The following B3GALT1 variants were observed in gnomAD, a reference collection of about 807,000 sequenced individuals.
B3GALT1 encodes the protein beta-1,3-galactosyltransferase 1, also known as UDP-Gal:betaGlcNAc beta 1,3-galactosyltransferase, polypeptide 1.
B3GALT1 carries 10 observed loss-of-function variants against 23.2 expected under a neutral mutation model. The ratio of observed to expected loss-of-function variants is 0.43; its 90% CI spans 0.27 to 0.73. B3GALT1 has a LOEUF of 0.73. Among genes scored for constraint, B3GALT1 ranks in the 30% least tolerant of loss-of-function variants. The probability of loss-of-function intolerance (pLI) is 0.21; values close to 1 mark genes in which losing one functional copy is unlikely to be tolerated. For synonymous variants in B3GALT1, 156 were observed against 141.5 expected (o/e 1.10, Z -0.73); for missense variants, 299 against 405.4 (o/e 0.74, Z 2.25).
intron 1 of B3GALT1, among the ~76,000 whole-genome samples, chr2:167,382,648 C>G (rs1174020712): frequency 1.3e-5 from 2 of 152,116 alleles, no homozygotes; most frequent in Non-Finnish European, 2.9e-5. Flanking sequence ...AACTACACAC[C>G]TTGAAATTAA....
At chr2:167,552,826 G>A (rs561257671) in intron 2 of B3GALT1, among the ~76,000 whole-genome samples, 2 of 152,082 alleles carry the variant, frequency 1.3e-5, no homozygotes, top group African/African-American at 4.8e-5. Context: ...AAAATGGCTT[G>A]GTTTCCAAAC....
chr2:167,720,099 T>G (rs1041437065), intron 3 of B3GALT1, among the ~76,000 whole-genome samples: 4 of 152,212 alleles, frequency 2.6e-5, no homozygotes, highest in Non-Finnish European at 4.4e-5. Context: ...AAATGTTATA[T>G]ATATATTTTT....
At chr2:167,339,152 A>C (rs1489648882) in intron 1 of B3GALT1, among the ~76,000 whole-genome samples, 1 of 152,222 alleles carries the variant, frequency 6.6e-6, no homozygotes, top group African/African-American at 2.4e-5. Context: ...AGAAACTCAC[A>C]TAAGGATGTT....
chr2:167,658,077 A>G (rs771583689), intron 3 of B3GALT1, among the ~76,000 whole-genome samples: 1 of 152,144 alleles, frequency 6.6e-6, no homozygotes, highest in African/African-American at 2.4e-5. Flanking sequence ...TATTGTTTTC[A>G]TAAACCAGCA....
intron 2 of B3GALT1, among the ~76,000 whole-genome samples, chr2:167,547,459 G>A (rs1054269745): frequency 2.0e-5 from 3 of 152,118 alleles, no homozygotes; most frequent in African/African-American, 7.2e-5. Flanking sequence ...CACTTTGGGA[G>A]GTCAAGGAGA....
intron 2 of B3GALT1, among the ~76,000 whole-genome samples, chr2:167,499,471 G>A (rs759416737): frequency 6.6e-6 from 1 of 152,048 alleles, no homozygotes; most frequent in Non-Finnish European, 1.5e-5. Flanking sequence ...GCAGTAAAAC[G>A]AAATCTTTGT....
intron 1 of B3GALT1, among the ~76,000 whole-genome samples, chr2:167,456,330 G>A (rs760597878): frequency 2.6e-5 from 4 of 152,112 alleles, no homozygotes; most frequent in South Asian, 2.1e-4. Context: ...GAGCTAAGCC[G>A]TTCATGAGGG....
chr2:167,629,150 T>A (rs1685396459), intron 2 of B3GALT1, among the ~76,000 whole-genome samples: 1 of 151,568 alleles, frequency 6.6e-6, no homozygotes, highest in Non-Finnish European at 1.5e-5. Flanking sequence ...TCAGATATTG[T>A]TTTCCAGTAA....
At chr2:167,560,653 A>T (rs1445561331) in intron 2 of B3GALT1, among the ~76,000 whole-genome samples, 1 of 151,716 alleles carries the variant, frequency 6.6e-6, no homozygotes, top group Non-Finnish European at 1.5e-5. Context: ...AGGGGTTGCA[A>T]TCCTAGTCTC....
At chr2:167,759,158 C>G (rs1007957286) in intron 3 of B3GALT1, among the ~76,000 whole-genome samples, 1 of 152,210 alleles carries the variant, frequency 6.6e-6, no homozygotes, top group Non-Finnish European at 1.5e-5. Flanking sequence ...TGACTCCGTT[C>G]TCGAGGTTTC....
chr2:167,773,130 G>A (rs944295429), intron 3 of B3GALT1, among the ~76,000 whole-genome samples: 5 of 152,144 alleles, frequency 3.3e-5, no homozygotes, highest in African/African-American at 1.2e-4. Context: ...TTTTAGGATG[G>A]ATGAATTGAG....
chr2:167,671,689 A>G (rs1270017272), intron 3 of B3GALT1, among the ~76,000 whole-genome samples: 1 of 152,118 alleles, frequency 6.6e-6, no homozygotes, highest in East Asian at 1.9e-4. Context: ...ATAAAGAAAA[A>G]GGAAAGATCT....
intron 3 of B3GALT1, among the ~76,000 whole-genome samples, chr2:167,668,851 C>T (rs976245137): frequency 6.6e-6 from 1 of 152,292 alleles, no homozygotes; most frequent in South Asian, 2.1e-4. Flanking sequence ...CACTGTCTGG[C>T]ACTCCCTAGT....
At chr2:167,840,663 A>G (rs1689624898) in intron 4 of B3GALT1, among the ~76,000 whole-genome samples, 1 of 151,714 alleles carries the variant, frequency 6.6e-6, no homozygotes, top group Admixed American at 6.6e-5. Context: ...TGACCCAGCC[A>G]TCCCATTACT....
At chr2:167,556,458 A>C (rs1167770550) in intron 2 of B3GALT1, among the ~76,000 whole-genome samples, 1 of 152,198 alleles carries the variant, frequency 6.6e-6, no homozygotes, top group Non-Finnish European at 1.5e-5. Context: ...TAAAGTATTA[A>C]AAATGGACTA....
intron 2 of B3GALT1, among the ~76,000 whole-genome samples, chr2:167,519,864 G>C (rs1024885949): frequency 6.6e-6 from 1 of 152,042 alleles, no homozygotes; most frequent in Non-Finnish European, 1.5e-5. Context: ...TTAAGGTTAA[G>C]AGTTTGAGAC....
At chr2:167,774,409 T>C (rs889524267) in intron 3 of B3GALT1, among the ~76,000 whole-genome samples, 2 of 152,050 alleles carry the variant, frequency 1.3e-5, no homozygotes, top group Non-Finnish European at 2.9e-5. Context: ...TTTCTCTCTA[T>C]GTGAACCTGA....
At chr2:167,436,513 A>ATG (rs1484958354) in intron 1 of B3GALT1, among the ~76,000 whole-genome samples, 3 of 152,172 alleles carry the variant, frequency 2.0e-5, no homozygotes, top group African/African-American at 7.2e-5. Flanking sequence ...GCTGTTAGTT[A>ATG]CCACCTGAAA....
At chr2:167,457,448 T>G (rs981414016) in intron 1 of B3GALT1, among the ~76,000 whole-genome samples, 2 of 151,832 alleles carry the variant, frequency 1.3e-5, no homozygotes, top group African/African-American at 4.8e-5. Context: ...GCCGGGATTA[T>G]AGACGTGAGC....
Sources: gnomAD v4.1 joint callset for allele counts (sites outside exome capture counted in the v4.1 genomes callset) on GRCh38, gnomAD v4.1.1 for gene constraint, MANE v1.5 for transcripts, NCBI Gene and HGNC (gene_info 2026-07-23, HGNC 2026-07-21) for gene names.